The following CHM variants were observed in gnomAD, a reference collection of about 807,000 sequenced individuals.
CHM encodes the protein rab proteins geranylgeranyltransferase component A 1.
Under a neutral mutation model 49.0 loss-of-function variants are expected in CHM, and 10 were observed. The ratio of observed to expected loss-of-function variants is 0.20; its 90% confidence interval spans 0.13 to 0.35. The LOEUF (loss-of-function observed/expected upper bound fraction) is 0.35. Ranked by LOEUF, CHM falls within the 10% of genes least tolerant of loss-of-function variation. The pLI is 1.00. For missense variants in CHM, 455 were observed against 478.4 expected (o/e 0.95, Z 0.46); for synonymous variants, 184 against 167.5 (o/e 1.10, Z -0.76).
intron 8 of CHM, among the ~76,000 whole-genome samples, chrX:85,915,114 C>A (rs1927375339): frequency 9.0e-6 from 1 of 111,707 alleles, no homozygotes; most frequent in African/African-American, 3.2e-5. Context: ...CGAGAAAGAA[C>A]CACCGTAAGA....
intron 8 of CHM, among the ~76,000 whole-genome samples, chrX:85,945,540 T>A (rs1404480595): frequency 9.7e-6 from 1 of 102,896 alleles, no homozygotes; most frequent in African/African-American, 3.6e-5. Flanking sequence ...GCCAAGCAGA[T>A]GACGGCACCA....
intron 2 of CHM, among the ~76,000 whole-genome samples, chrX:86,003,342 G>T (rs1318096192): frequency 8.9e-6 from 1 of 112,230 alleles, no homozygotes; most frequent in Non-Finnish European, 1.9e-5. Context: ...AAAAATAACA[G>T]TGCCTCTTCT....
At chrX:86,010,108 T>C (rs953962418) in intron 2 of CHM, among the ~76,000 whole-genome samples, 1 of 101,433 alleles carries the variant, frequency 9.9e-6, no homozygotes, top group Non-Finnish European at 2.0e-5. Flanking sequence ...ACACTGCATG[T>C]TCTCACTCAT....
At chrX:85,996,720 A>C (rs979209900) in intron 2 of CHM, among the ~76,000 whole-genome samples, 1 of 111,784 alleles carries the variant, frequency 8.9e-6, no homozygotes, top group Admixed American at 9.5e-5. Context: ...AAGAGAACTC[A>C]AAGTCACCCT....
chrX:85,943,845 C>A (rs1199352396), intron 8 of CHM, among the ~76,000 whole-genome samples: 3 of 111,367 alleles, frequency 2.7e-5, no homozygotes, highest in African/African-American at 9.8e-5. Flanking sequence ...AAAAATTAGA[C>A]AACCAGTCAA....
intron 12 of CHM, among the ~76,000 whole-genome samples, chrX:85,883,177 T>C (rs774952350): frequency 9.0e-6 from 1 of 111,611 alleles, no homozygotes; most frequent in South Asian, 3.8e-4. Context: ...CAGCAGTCAT[T>C]CACTCTATAC....
intron 1 of CHM, among the ~76,000 whole-genome samples, chrX:86,043,107 G>A (rs1339971261): frequency 1.8e-5 from 2 of 111,942 alleles, no homozygotes; most frequent in Non-Finnish European, 3.8e-5. Context: ...AGGACATGGT[G>A]TCATAAATAG....
intron 8 of CHM, among the ~76,000 whole-genome samples, chrX:85,940,205 A>C (rs1210938509): frequency 9.0e-6 from 1 of 111,294 alleles, no homozygotes; most frequent in Non-Finnish European, 1.9e-5. Flanking sequence ...CACTATCACA[A>C]GAACAGCAAG....
At chrX:85,920,818 C>T (rs1927750913) in intron 8 of CHM, among the ~76,000 whole-genome samples, 1 of 111,884 alleles carries the variant, frequency 8.9e-6, no homozygotes, top group Non-Finnish European at 1.9e-5. Flanking sequence ...TCAGTATTAT[C>T]TTTCTTGGGA....
intron 12 of CHM, among the ~76,000 whole-genome samples, chrX:85,881,512 TG>T (rs1569396784): frequency 2.7e-5 from 3 of 111,823 alleles, no homozygotes; most frequent in African/African-American, 6.5e-5. Flanking sequence ...AAAACAGGGA[TG>T]GGGGGCTATG....
intron 5 of CHM, among the ~76,000 whole-genome samples, chrX:85,963,289 G>T (rs1045738194): frequency 1.8e-5 from 2 of 111,775 alleles, no homozygotes; most frequent in African/African-American, 6.5e-5. Flanking sequence ...TCATACAGTT[G>T]TGAAAATAGT....
At chrX:85,957,291 A>G (rs1930053889) in intron 7 of CHM, among the ~76,000 whole-genome samples, 1 of 111,751 alleles carries the variant, frequency 8.9e-6, no homozygotes, top group East Asian at 2.8e-4. Context: ...TTAACAGACA[A>G]TGAAGTAACT....
chrX:85,909,540 G>A (rs1330565153), intron 9 of CHM, among the ~76,000 whole-genome samples: 2 of 111,488 alleles, frequency 1.8e-5, no homozygotes, highest in African/African-American at 6.5e-5. Flanking sequence ...GCACATTAAA[G>A]TTTGAAAACC....
intron 3 of CHM, among the ~76,000 whole-genome samples, chrX:85,980,130 T>A (rs778048570): frequency 1.3e-4 from 15 of 111,642 alleles, no homozygotes; most frequent in Non-Finnish European, 2.3e-4. Flanking sequence ...GTATTTTTTT[T>A]AATTTCCATT....
At chrX:85,866,152 G>A (rs1449246511) in intron 14 of CHM, among the ~76,000 whole-genome samples, 1 of 112,531 alleles carries the variant, frequency 8.9e-6, no homozygotes, top group Non-Finnish European at 1.9e-5. Context: ...GCATGTCAGA[G>A]ATCTTCCCTA....
At chrX:85,911,772 A>G (rs111320681) in intron 8 of CHM, among the ~76,000 whole-genome samples, 252 of 111,752 alleles carry the variant, frequency 2.3e-3, no homozygotes, top group African/African-American at 7.9e-3. Context: ...CTTACAATAA[A>G]TGTAAACAAA....
At chrX:86,010,780 T>A (rs1417881237) in intron 2 of CHM, among the ~76,000 whole-genome samples, 1 of 111,420 alleles carries the variant, frequency 9.0e-6, no homozygotes, top group East Asian at 2.8e-4. Context: ...ATAATTAGAG[T>A]AATACAAATC....
rs2147676259 is a variant in CHM, at chrX:85,963,965, T to C, written c.402A>G (p.Ala134=). 1 of 1,210,892 alleles carries C rather than the reference T, an allele frequency of 8.3e-7. No homozygotes were observed. The highest frequency in any genetic ancestry group is 1.1e-6 in the Non-Finnish European group (1 of 895,115). ...CCTCCGTAGGCAGGAAGGCAGAATC[T>C]GCAGCTTCTGTGGAGTTTGCAGATG... ...LVTSANSTEA[A]DSAFLPTEDE... The change falls in exon 5 of 15, where the codon GCA becomes GCG. Residue 134 remains alanine, a synonymous_variant. Coordinates refer to ENST00000357749, the MANE Select transcript of CHM (RefSeq NM_000390.4).
intron 9 of CHM, among the ~76,000 whole-genome samples, chrX:85,901,446 T>C (rs1212116345): frequency 2.7e-5 from 3 of 111,232 alleles, no homozygotes; most frequent in African/African-American, 3.3e-5. Context: ...ATGCCATTAA[T>C]AAGAATAAAG....
Sources: gnomAD v4.1 joint callset for allele counts (sites outside exome capture counted in the v4.1 genomes callset) on GRCh38, gnomAD v4.1.1 for gene constraint, MANE v1.5 for transcripts, NCBI Gene and HGNC (gene_info 2026-07-23, HGNC 2026-07-21) for gene names.